The following THSD7A variants were observed in gnomAD, a reference collection of about 807,000 sequenced individuals.
THSD7A encodes thrombospondin type-1 domain-containing protein 7A.
In THSD7A, 96 loss-of-function variants were observed where a neutral mutation model predicts 231.3. That is an observed-to-expected ratio of 0.41 (90% CI 0.35 to 0.49). THSD7A has a LOEUF of 0.49. Among genes scored for constraint, THSD7A ranks in the 20% least tolerant of loss-of-function variants. The pLI is 0.05. For synonymous variants in THSD7A, 940 were observed against 743.3 expected (o/e 1.26, Z -4.30); for missense variants, 2,290 against 2,070.2 (o/e 1.11, Z -2.06).
intron 1 of THSD7A, among the ~76,000 whole-genome samples, chr7:11,807,765 C>T (rs1483859623): frequency 1.3e-5 from 2 of 152,054 alleles, no homozygotes; most frequent in Non-Finnish European, 1.5e-5. Context: ...GATCACCTGA[C>T]CTAAGTTTTA....
intron 2 of THSD7A, among the ~76,000 whole-genome samples, chr7:11,630,105 T>A (rs910579947): frequency 6.6e-6 from 1 of 152,228 alleles, no homozygotes; most frequent in Non-Finnish European, 1.5e-5. Context: ...GCTTCACAAC[T>A]GTTATAAAGC....
In THSD7A at chr7:11,660,229, C is replaced by T. The variant is rs116072282; in HGVS notation, c.191-23268G>A. 7.6e-3 allele frequency among the ~76,000 whole-genome samples: 1,154 copies of T among 151,570 alleles called. 9 individuals are homozygous for T. The highest frequency in any genetic ancestry group is 0.027 in the African/African-American group (1,103 of 41,478). ...AGTACTGTGCTAAGCACTGGATATTCTCTGATGTTCAAAAGAGATATGGTT... is the reference window on the plus strand; with the variant it reads ...AGTACTGTGCTAAGCACTGGATATTTTCTGATGTTCAAAAGAGATATGGTT... On this transcript the variant is annotated intron_variant, in intron 1 of 27. Transcript: ENST00000423059.
chr7:11,618,107 A>G (rs1781171192), intron 2 of THSD7A, among the ~76,000 whole-genome samples: 1 of 152,210 alleles, frequency 6.6e-6, no homozygotes, highest in African/African-American at 2.4e-5. Context: ...AGAAATTAAA[A>G]TGCCAATTCA....
chr7:11,724,426 A>G (rs1206238247), intron 1 of THSD7A, among the ~76,000 whole-genome samples: 1 of 151,900 alleles, frequency 6.6e-6, no homozygotes, highest in East Asian at 2.0e-4. Context: ...CAGTATTGAC[A>G]GCAGAGAGCT....
chr7:11,762,934 C>A (rs2128168783), intron 1 of THSD7A, among the ~76,000 whole-genome samples: 1 of 152,072 alleles, frequency 6.6e-6, no homozygotes, highest in East Asian at 1.9e-4. Flanking sequence ...TGTCATTTTT[C>A]ACAGAATTAA....
At chr7:11,408,432 A>G (rs1040265250) in intron 19 of THSD7A, among the ~76,000 whole-genome samples, 2 of 151,534 alleles carry the variant, frequency 1.3e-5, no homozygotes, top group African/African-American at 4.8e-5. Context: ...CAGGACGTGG[A>G]GGTTGCAGTG....
chr7:11,500,353 A>T (rs1408439092), intron 6 of THSD7A, among the ~76,000 whole-genome samples: 1 of 152,188 alleles, frequency 6.6e-6, no homozygotes, highest in Non-Finnish European at 1.5e-5. Flanking sequence ...ACCAGCTAAT[A>T]CAAAAACACA....
At chr7:11,376,534 G>T in intron 27 of THSD7A, 36 bp downstream of exon 27, 1 of 1,457,796 alleles carries the variant, frequency 6.9e-7, no homozygotes, top group Non-Finnish European at 9.4e-7. Flanking sequence ...TTACGATTAA[G>T]TATCTCTTTG....
chr7:11,487,411 C>T (rs971520792), intron 6 of THSD7A, among the ~76,000 whole-genome samples: 1 of 151,990 alleles, frequency 6.6e-6, no homozygotes, highest in Non-Finnish European at 1.5e-5. Flanking sequence ...AAAGATAAAC[C>T]ATGGTTTATC....
intron 11 of THSD7A, among the ~76,000 whole-genome samples, chr7:11,453,034 G>A (rs575945655): frequency 5.9e-5 from 9 of 151,510 alleles, no homozygotes; most frequent in Non-Finnish European, 1.3e-4. Flanking sequence ...TTCTATTGAA[G>A]AACTCTCTTT....
chr7:11,761,917 C>G (rs1264388353), intron 1 of THSD7A, among the ~76,000 whole-genome samples: 5 of 152,176 alleles, frequency 3.3e-5, no homozygotes, highest in South Asian at 2.1e-4. Flanking sequence ...TCCTTCCCCC[C>G]TTTTGGAGTA....
intron 1 of THSD7A, among the ~76,000 whole-genome samples, chr7:11,656,190 G>A (rs942580710): frequency 4.6e-5 from 7 of 151,874 alleles, no homozygotes; most frequent in Non-Finnish European, 1.0e-4. Context: ...TAGACAAGGT[G>A]TTGTGTGCAA....
At chr7:11,489,395 G>A (rs946422970) in intron 6 of THSD7A, among the ~76,000 whole-genome samples, 5 of 151,970 alleles carry the variant, frequency 3.3e-5, no homozygotes, top group Non-Finnish European at 5.9e-5. Context: ...ACTTATTTTA[G>A]GAAACTTGCA....
At chr7:11,594,242 T>C in intron 2 of THSD7A, among the ~76,000 whole-genome samples, 1 of 152,174 alleles carries the variant, frequency 6.6e-6, no homozygotes, top group Admixed American at 6.5e-5. Flanking sequence ...TGGCCTATTG[T>C]GGGACCTTGT....
chr7:11,741,016 T>A (rs1782095248), intron 1 of THSD7A, among the ~76,000 whole-genome samples: 1 of 151,946 alleles, frequency 6.6e-6, no homozygotes, highest in South Asian at 2.1e-4. Context: ...ATAAATTATT[T>A]TTCAAACTGA....
Position 11,734,510 on chromosome 7 carries a change from G to A in THSD7A, c.190+97247C>T, listed in dbSNP as rs542751077. Among the ~76,000 whole-genome samples the A allele has an allele frequency of 1.7e-3, 253 of 151,868 alleles. 2 individuals are homozygous for A. The highest frequency in any genetic ancestry group is 2.3e-3 in the Non-Finnish European group (153 of 67,906). On this transcript the variant is annotated intron_variant, in intron 1 of 27. Transcript: ENST00000423059. ...CACTCCTCCAAAATATCTGCCTTAC[G>A]TTTTCTTGATAATTTTTAACTATCC... is the stretch of plus-strand genomic sequence containing the variant.
chr7:11,697,081 C>T (rs1283533012), intron 1 of THSD7A, among the ~76,000 whole-genome samples: 1 of 151,418 alleles, frequency 6.6e-6, no homozygotes, highest in Non-Finnish European at 1.5e-5. Flanking sequence ...ATTTTGATGA[C>T]TTTCCCTAAT....
intron 1 of THSD7A, among the ~76,000 whole-genome samples, chr7:11,693,066 C>T (rs1780282981): frequency 6.6e-6 from 1 of 151,474 alleles, no homozygotes. Flanking sequence ...TTGACCTCTG[C>T]TTAAACTTAA....
chr7:11,729,924 A>G (rs1283553776), intron 1 of THSD7A, among the ~76,000 whole-genome samples: 1 of 151,740 alleles, frequency 6.6e-6, no homozygotes, highest in Non-Finnish European at 1.5e-5. Flanking sequence ...AAGTTCAGAA[A>G]AAAAAGTCTT....
Sources: gnomAD v4.1 joint callset for allele counts (sites outside exome capture counted in the v4.1 genomes callset) on GRCh38, gnomAD v4.1.1 for gene constraint, MANE v1.5 for transcripts, NCBI Gene and HGNC (gene_info 2026-07-23, HGNC 2026-07-21) for gene names.